SH2D6: variants seen among roughly 807,000 people sequenced by gnomAD.
SH2D6 encodes SH2 domain-containing protein 6.
In SH2D6, 31 loss-of-function variants were observed where a neutral mutation model predicts 30.2. The ratio of observed to expected loss-of-function variants is 1.03; its 90% CI spans 0.77 to 1.38. The LOEUF (loss-of-function observed/expected upper bound fraction) is 1.38, where lower values mean the gene tolerates loss of function less well. Among genes scored for constraint, SH2D6 ranks in the 40% most tolerant of loss-of-function variants. The pLI, the probability that SH2D6 is intolerant of heterozygous loss-of-function variation, is 0.00. For missense variants in SH2D6, 240 were observed against 266.8 expected (o/e 0.90, Z 0.70); for synonymous variants, 93 against 104.6 (o/e 0.89, Z 0.68).
chr2:85,436,668 A>T, intron 23 of SH2D6, 74 bp downstream of exon 23: 1 of 1,015,904 alleles, frequency 9.8e-7, no homozygotes, highest in South Asian at 1.4e-5. Context: ...CTCCTTCCCC[A>T]CCCCTCCTCA....
In SH2D6 at chr2:85,436,592, G is replaced by A. The variant is rs775996825; in HGVS notation, c.*10G>A. 10 of 1,610,426 alleles carry A rather than the reference G, an allele frequency of 6.2e-6. No individual in the cohort carries two copies. The highest frequency in any genetic ancestry group is 1.7e-5 in the Admixed American group (1 of 59,978). On this transcript the variant is annotated splice_region_variant and 3_prime_UTR_variant, in exon 23 of 24. Transcript: ENST00000469800. ...CCCCACCAAGCCTTGAGGCCACAGC[G>A]AAGTACACACCGCCTTTGGCCCCAG...
intron 2 of SH2D6, among the ~76,000 whole-genome samples, chr2:85,420,299 T>C (rs1687701267): frequency 6.6e-6 from 1 of 152,176 alleles, no homozygotes; most frequent in Non-Finnish European, 1.5e-5. Context: ...TTCGTATTTT[T>C]AGTAGAGACG....
intron 6 of SH2D6, among the ~76,000 whole-genome samples, chr2:85,426,508 A>T (rs1688062866): frequency 6.6e-6 from 1 of 151,724 alleles, no homozygotes; most frequent in Non-Finnish European, 1.5e-5. Context: ...CCTGCCCCAT[A>T]CTCTGGGAGA....
rs1033444716 is a variant in SH2D6, at chr2:85,433,039, G to T, written c.371-60G>T. ...ACTCTGCTTTTTCAGCCTCAGTCCC[G>T]CTGAATTCCTTTCTGCTCCCTGCCG... is the stretch of plus-strand genomic sequence containing the variant. On this transcript the variant is annotated intron_variant, in intron 14 of 23. Coordinates refer to ENST00000469800, the MANE Select transcript of SH2D6 (RefSeq NM_001394463.1). The T allele has an allele frequency of 4.1e-6, 4 of 985,672 alleles. No individual in the cohort carries two copies. The East Asian group carries it at 3.4e-4, about 84-fold the overall frequency. 61.1% of individuals were successfully genotyped at this position (985,672 alleles called of 1,614,324 possible). A position where few individuals can be genotyped will look rare whatever the true frequency, so the allele number is the denominator to read the frequency against.
rs141308457 is a variant in SH2D6, at chr2:85,424,842, T to G, written c.-308-466T>G. On this transcript the variant is annotated intron_variant, in intron 5 of 23. Transcript: ENST00000469800. ...CAGCACTTTGGGAGGCCGAGGCAGG[T>G]GGATCACAAGGTCAGGAGTTTGAGA... 2.4e-3 allele frequency among the ~76,000 whole-genome samples: 361 copies of G among 152,104 alleles called. 6 individuals are homozygous for G. The East Asian group carries it at 0.062, about 26-fold the overall frequency.
intron 14 of SH2D6, 102 bp from the exon 15 acceptor site, chr2:85,432,997 G>A (rs1296897665): frequency 1.3e-5 from 12 of 943,382 alleles, no homozygotes; most frequent in Admixed American, 6.2e-5. Flanking sequence ...TGTCCTCCTC[G>A]GAGGCACCCT....
At chr2:85,436,011 G>A (rs1386154999) in intron 22 of SH2D6, among the ~76,000 whole-genome samples, 187 bp downstream of exon 22, 6 of 152,218 alleles carry the variant, frequency 3.9e-5, no homozygotes, top group Admixed American at 1.3e-4. Context: ...TGCCCCTCCT[G>A]CCATGGCTCA....
rs1481879557 is a variant in SH2D6, at chr2:85,418,908, C to G, written c.-815C>G. 1 of 152,390 alleles carries G rather than the reference C, an allele frequency of 6.6e-6. No individual in the cohort carries two copies. Among genetic ancestry groups the G allele is most frequent in the Non-Finnish European group, 1.5e-5 (1 of 68,142 alleles). The allele number at this position is 152,390 out of a possible 1,614,324, so 9.4% of individuals were successfully genotyped here. A position where few individuals can be genotyped will look rare whatever the true frequency, so the allele number is the denominator to read the frequency against. ...AGCCCTCCTTCTCTGCGAACCTGAG[C>G]CCCGCCCTGCCCTCCCTACGAGGTT... On this transcript the variant is annotated 5_prime_UTR_variant, in exon 1 of 24. Coordinates refer to ENST00000469800, the MANE Select transcript of SH2D6 (RefSeq NM_001394463.1).
rs1050127832 is a variant in SH2D6, at chr2:85,434,346, C to A, written c.540C>A (p.Thr180=). Residue 180 remains threonine (T), a synonymous_variant, in exon 18 of 24, where the codon ACC becomes ACA. Coordinates refer to ENST00000469800, the MANE Select transcript of SH2D6 (RefSeq NM_001394463.1). ...CCCGATTTGCTTCCCACAGGCCTAC[C>A]ACAGCCCCCCAGGAAACTCGGAATG... ...LPRTSVVPRP[T]TAPQETRNGT... 8.4e-6 allele frequency: 13 copies of A among 1,548,186 alleles called. No individual in the cohort carries two copies. The African/African-American group carries it at 1.6e-4, about 20-fold the overall frequency.
At position 85,419,038 on chromosome 2, in the gene SH2D6, C is replaced by G. The variant is rs1687652973; in HGVS notation, c.-783C>G. 6.6e-6 allele frequency: 1 copy of G among 152,418 alleles called. No individual in the cohort carries two copies. Among genetic ancestry groups the G allele is most frequent in the Non-Finnish European group, 1.5e-5 (1 of 68,176 alleles). 9.4% of individuals were successfully genotyped at this position (152,418 alleles called of 1,614,324 possible). On this transcript the variant is annotated 5_prime_UTR_variant, in exon 2 of 24. Transcript: ENST00000469800. ...TTCCTCCATCGCCTAGAGCAAACTCCCATTCCTGGAAGGAGGAGCAGCCCA... is the reference window on the plus strand; with the variant it reads ...TTCCTCCATCGCCTAGAGCAAACTCGCATTCCTGGAAGGAGGAGCAGCCCA...
chr2:85,422,794 C>T (rs1451954226), intron 5 of SH2D6, 104 bp downstream of exon 5: 1 of 152,346 alleles, frequency 6.6e-6, no homozygotes, highest in African/African-American at 2.4e-5. Flanking sequence ...CCTCAACTTT[C>T]AGCTCCCAGC....
chr2:85,436,817 A>T lies in SH2D6; in HGVS notation c.*13-20A>T, dbSNP rs1229280721. On this transcript the variant is annotated intron_variant, in intron 23 of 23. Transcript: ENST00000469800. ...TCTCTGTTGCCTCTCCAAGGCTGAC[A>T]CCCTCTTCCTGGCCTCCAGGAATGC... The T allele has an allele frequency of 2.0e-6, 1 of 494,382 alleles. No homozygotes were observed. The highest frequency in any genetic ancestry group is 3.7e-6 in the Non-Finnish European group (1 of 270,484). 30.6% of individuals were successfully genotyped at this position (494,382 alleles called of 1,614,324 possible).
In SH2D6 at chr2:85,435,745, G is replaced by A. The variant is rs1350533001; in HGVS notation, c.812G>A (p.Arg271Gln). The change falls in exon 22 of 24, where the codon CGG becomes CAG. Residue 271 changes from arginine (R) to glutamine (Q), a missense_variant. Transcript: ENST00000469800. Reference protein sequence around the residue: ...PFTLAVLLRGRVFNIPIRRLD... With the variant: ...PFTLAVLLRGQVFNIPIRRLD... Reference sequence around the variant, plus strand: ...ACCCTGGCAGTGCTTCTCCGAGGCCGGGTCTTCAACATTCCCATCCGGCGG... The same window carrying A: ...ACCCTGGCAGTGCTTCTCCGAGGCCAGGTCTTCAACATTCCCATCCGGCGG... The A allele has an allele frequency of 5.0e-6, 8 of 1,612,238 alleles. No homozygotes were observed. The highest frequency in any genetic ancestry group is 2.2e-5 in the South Asian group (2 of 90,892).
Position 85,434,483 on chromosome 2 carries a change from A to G in SH2D6, c.575A>G (p.Asp192Gly). 1 of 1,550,492 alleles carries G rather than the reference A, an allele frequency of 6.4e-7. No homozygotes were observed. The highest frequency in any genetic ancestry group is 8.7e-7 in the Non-Finnish European group (1 of 1,146,980). Residue 192 changes from aspartate to glycine, a missense_variant, in exon 19 of 24, where the codon GAT (aspartate) becomes GGT (glycine). By Grantham distance (94) the Asp-to-Gly change is moderately conservative (BLOSUM62 -1). Coordinates refer to ENST00000469800, the MANE Select transcript of SH2D6 (RefSeq NM_001394463.1). ...APQETRNGTADAASKEGRKSS... is the reference protein window; with the variant it reads ...APQETRNGTAGAASKEGRKSS... ...CCTCCTGTATGCCAGGGAACAGCAG[A>G]TGCTGCCTCTAAAGGTGAGTAAAGG... is the stretch of plus-strand genomic sequence containing the variant.
At position 85,434,782 on chromosome 2, in the gene SH2D6, G is replaced by A. The variant is rs985501022; in HGVS notation, c.590-283G>A. 7 of 1,458,074 alleles carry A rather than the reference G, an allele frequency of 4.8e-6. No individual in the cohort carries two copies. The African/African-American group carries it at 1.0e-4, about 21-fold the overall frequency. The allele number at this position is 1,458,074 out of a possible 1,614,324, so 90.3% of individuals were successfully genotyped here. On this transcript the variant is annotated intron_variant, in intron 19 of 23. Transcript: ENST00000469800. ...TGACTCCAGCTGAGATCAGGCCTGA[G>A]GGGACCCTCTTGGGCATTTTCCGGT... is the stretch of plus-strand genomic sequence containing the variant.
At chr2:85,433,910 C>G (rs1689072338) in intron 16 of SH2D6, 123 bp from the exon 17 acceptor site, 1 of 910,288 alleles carries the variant, frequency 1.1e-6, no homozygotes, top group African/African-American at 1.7e-5. Flanking sequence ...GTTGGAAGCA[C>G]TCCCAGAAAG....
chr2:85,431,641 C>T (rs904377859), intron 13 of SH2D6, among the ~76,000 whole-genome samples: 1 of 152,242 alleles, frequency 6.6e-6, no homozygotes, highest in Admixed American at 6.5e-5. Context: ...AGCTCCCATT[C>T]CCACCTTTAT....
intron 20 of SH2D6, 118 bp downstream of exon 20, chr2:85,435,241 A>G (rs1403977244): frequency 2.4e-6 from 3 of 1,266,996 alleles, no homozygotes; most frequent in Non-Finnish European, 3.4e-6. Context: ...CATTGAACAC[A>G]CGTGTGCGGC....
chr2:85,436,591 C>A lies in SH2D6; in HGVS notation c.*9C>A. ...TCCCCACCAAGCCTTGAGGCCACAGCGAAGTACACACCGCCTTTGGCCCCA... is the reference window on the plus strand; with the variant it reads ...TCCCCACCAAGCCTTGAGGCCACAGAGAAGTACACACCGCCTTTGGCCCCA... On this transcript the variant is annotated 3_prime_UTR_variant, in exon 23 of 24. Transcript: ENST00000469800. The A allele has an allele frequency of 6.2e-7, 1 of 1,610,442 alleles. No individual in the cohort carries two copies. Among genetic ancestry groups the A allele is most frequent in the African/African-American group, 1.3e-5 (1 of 74,974 alleles).
Sources: gnomAD v4.1 joint callset for allele counts (sites outside exome capture counted in the v4.1 genomes callset) on GRCh38, gnomAD v4.1.1 for gene constraint, MANE v1.5 for transcripts, NCBI Gene and HGNC (gene_info 2026-07-23, HGNC 2026-07-21) for gene names.